Variants in COP1 observed in about 807,000 individuals in gnomAD.
COP1 encodes the protein E3 ubiquitin-protein ligase COP1.
In COP1, 24 loss-of-function variants were observed where a neutral mutation model predicts 101.3. The ratio of observed to expected loss-of-function variants is 0.24; its 90% CI spans 0.17 to 0.33. The LOEUF is 0.33. COP1 is among the 10% of genes least tolerant of loss of function. The pLI, the probability that COP1 is intolerant of heterozygous loss-of-function variation, is 1.00. For synonymous variants in COP1, 347 were observed against 341.9 expected, an observed-to-expected ratio of 1.01 and a Z score of -0.17; for missense variants, 663 against 906.2, an observed-to-expected ratio of 0.73 and a Z score of 3.45.
intron 11 of COP1, among the ~76,000 whole-genome samples, chr1:176,071,042 A>T (rs1453300281): frequency 6.6e-6 from 1 of 152,182 alleles, no homozygotes; most frequent in East Asian, 1.9e-4. Context: ...ATTGACTGAC[A>T]GAGTTTGGAT....
chr1:176,198,863 A>C (rs1332456809), intron 1 of COP1, among the ~76,000 whole-genome samples: 1 of 152,252 alleles, frequency 6.6e-6, no homozygotes, highest in Non-Finnish European at 1.5e-5. Flanking sequence ...AATATGTTAC[A>C]TAACAATGTG....
intron 18 of COP1, among the ~76,000 whole-genome samples, chr1:175,970,330 A>G (rs1652991203): frequency 6.6e-6 from 1 of 152,226 alleles, no homozygotes; most frequent in African/African-American, 2.4e-5. Context: ...GGATAAGGCA[A>G]TATGAAGAAC....
At chr1:176,184,195 G>T (rs1215417113) in intron 2 of COP1, among the ~76,000 whole-genome samples, 3 of 152,108 alleles carry the variant, frequency 2.0e-5, no homozygotes, top group Admixed American at 6.6e-5. Context: ...ATAATGTAAA[G>T]TTAATATTGA....
chr1:175,994,670 A>G lies in COP1; in HGVS notation c.1730-5191T>C, dbSNP rs751174270. 3.3e-5 allele frequency among the ~76,000 whole-genome samples: 5 copies of G among 152,298 alleles called. No individual in the cohort carries two copies. In the South Asian group the frequency reaches 6.2e-4, roughly 19 times the overall value. ...AGAAGGCCATTACATAATGGTAAAG[A>G]AATCAATTCAACAAGAAGAGCTAAC... On this transcript the variant is annotated intron_variant, in intron 15 of 19. Transcript: ENST00000367669.
At chr1:176,085,939 T>A (rs764962837) in intron 9 of COP1, 49 bp from the exon 10 acceptor site, 1 of 1,003,330 alleles carries the variant, frequency 1.0e-6, no homozygotes. Flanking sequence ...AATACTCTTC[T>A]TTTGCACAGA....
chr1:176,192,141 T>C lies in COP1; in HGVS notation c.408-7449A>G, dbSNP rs1408182951. 5.3e-5 allele frequency among the ~76,000 whole-genome samples: 8 copies of C among 152,106 alleles called. 1 individual carries two copies. The highest frequency in any genetic ancestry group is 1.0e-4 in the Non-Finnish European group (7 of 67,988). On this transcript the variant is annotated intron_variant, in intron 1 of 19. Transcript: ENST00000367669. ...CAAGATTGAATCAGGGAACTACATA[T>C]GGCCAAGAAGTATCTCTGCTGATTC...
At chr1:176,077,864 T>C (rs1042766621) in intron 11 of COP1, among the ~76,000 whole-genome samples, 5 of 151,596 alleles carry the variant, frequency 3.3e-5, no homozygotes, top group Non-Finnish European at 2.9e-5. Flanking sequence ...AATAACATTC[T>C]AGCTGAGAAA....
At chr1:176,063,079 G>A (rs1260872788) in intron 11 of COP1, among the ~76,000 whole-genome samples, 2 of 135,782 alleles carry the variant, frequency 1.5e-5, no homozygotes, top group Non-Finnish European at 3.1e-5. Flanking sequence ...TTGAGACGGA[G>A]TCTCGCTCTG....
chr1:175,966,887 T>C (rs950620782), intron 18 of COP1, among the ~76,000 whole-genome samples: 23 of 152,150 alleles, frequency 1.5e-4, no homozygotes, highest in African/African-American at 5.3e-4. Context: ...ATACATGGCA[T>C]TGACAGGCCA....
intron 15 of COP1, among the ~76,000 whole-genome samples, chr1:176,009,880 G>GC (rs1254318761): frequency 9.1e-5 from 7 of 77,326 alleles, no homozygotes; most frequent in Non-Finnish European, 2.2e-4. Context: ...GGTTACTTGG[G>GC]GGGGGGGGGT....
Sources: gnomAD v4.1 joint callset for allele counts (sites outside exome capture counted in the v4.1 genomes callset) on GRCh38, gnomAD v4.1.1 for gene constraint, MANE v1.5 for transcripts, NCBI Gene and HGNC (gene_info 2026-07-23, HGNC 2026-07-21) for gene names.